ZCCHC24: variants seen among roughly 807,000 people sequenced by gnomAD.
The protein encoded by ZCCHC24 is zinc finger CCHC-type containing 24, also known as zinc finger CCHC domain-containing protein 24.
Under a neutral mutation model 26.2 loss-of-function variants are expected in ZCCHC24, and 10 were observed. That is an observed-to-expected ratio of 0.38 (90% CI 0.24 to 0.65). The LOEUF is 0.65. Among genes scored for constraint, ZCCHC24 ranks in the 30% least tolerant of loss-of-function variants. The pLI is 0.54. For missense variants in ZCCHC24, 243 were observed against 329.1 expected (o/e 0.74, Z 2.03); for synonymous variants, 144 against 147.1 (o/e 0.98, Z 0.15).
intron 1 of ZCCHC24, among the ~76,000 whole-genome samples, chr10:79,441,079 A>AACACACACAC (rs55762333): frequency 0.034 from 4,677 of 135,572 alleles, 132 homozygotes; most frequent in African/African-American, 0.071. Flanking sequence ...CTGCCCCCTA[A>AACACACACAC]ACACACACAC....
In ZCCHC24 at chr10:79,417,284, CTT is replaced by C. The variant is rs1391750253; in HGVS notation, c.447+15272_447+15273del. Among the ~76,000 whole-genome samples, 8 of 137,270 alleles carry C rather than the reference CTT, an allele frequency of 5.8e-5. 2 individuals are homozygous for C. Among genetic ancestry groups the C allele is most frequent in the African/African-American group, 2.0e-4 (8 of 39,414 alleles). The allele number at this position is 137,270 out of a possible 152,430, so 90.1% of individuals were successfully genotyped here. A position where few individuals can be genotyped will look rare whatever the true frequency, so the allele number is the denominator to read the frequency against. Reference sequence around the variant, plus strand: ...CATGGGCCCCTGTTGGGTTTTACCCCTTGTCATCATGCCTACTGCTTTGGGGG... The same window carrying C: ...CATGGGCCCCTGTTGGGTTTTACCCCGTCATCATGCCTACTGCTTTGGGGG... On this transcript the variant is annotated intron_variant, in intron 2 of 3. Coordinates refer to ENST00000372336, the MANE Select transcript of ZCCHC24 (RefSeq NM_153367.4).
At chr10:79,387,567 T>C (rs1700587015) in intron 3 of ZCCHC24, among the ~76,000 whole-genome samples, 1 of 152,142 alleles carries the variant, frequency 6.6e-6, no homozygotes, top group Non-Finnish European at 1.5e-5. Flanking sequence ...AAGGGTCCCC[T>C]GCATGGACAT....
At chr10:79,432,152 C>G (rs1301317753) in intron 2 of ZCCHC24, among the ~76,000 whole-genome samples, 1 of 152,222 alleles carries the variant, frequency 6.6e-6, no homozygotes, top group African/African-American at 2.4e-5. Flanking sequence ...CATCTGGATT[C>G]CTGGCCCAGA....
chr10:79,444,599 C>T (rs1857335589), intron 1 of ZCCHC24, among the ~76,000 whole-genome samples: 1 of 152,094 alleles, frequency 6.6e-6, no homozygotes, highest in Non-Finnish European at 1.5e-5. Flanking sequence ...TCCTATGTGG[C>T]TGGGGGAGGG....
At chr10:79,432,418 G>T (rs1283319604) in intron 2 of ZCCHC24, 140 bp downstream of exon 2, 1 of 873,600 alleles carries the variant, frequency 1.1e-6, no homozygotes, top group South Asian at 2.0e-5. Flanking sequence ...GGGACAAAAG[G>T]GTAGAGGCCA....
rs5786399 is a variant in ZCCHC24, at chr10:79,389,529, AGTGTGTGT to A, written c.613-3079_613-3072del. Among the ~76,000 whole-genome samples, 610 of 146,324 alleles carry A rather than the reference AGTGTGTGT, an allele frequency of 4.2e-3. 2 individuals carry two copies. Among genetic ancestry groups the A allele is most frequent in the African/African-American group, 0.013 (525 of 39,200 alleles). ...TAATAACATTCACTGACTTTTTCCT[AGTGTGTGT>A]GTGTGTGTGTGTGTGTGTGTGTGTG... On this transcript the variant is annotated intron_variant, in intron 3 of 3. Transcript: ENST00000372336.
In ZCCHC24 at chr10:79,432,544, C is replaced by T. The variant is rs1347310015; in HGVS notation, c.447+14G>A. 1.9e-6 allele frequency: 3 copies of T among 1,591,100 alleles called. No homozygotes were observed. The highest frequency in any genetic ancestry group is 2.3e-5 in the East Asian group (1 of 43,770). On this transcript the variant is annotated intron_variant, in intron 2 of 3. Coordinates refer to ENST00000372336, the MANE Select transcript of ZCCHC24 (RefSeq NM_153367.4). ...GGGAGCCCAAGAGCACCCCCTGGGC[C>T]AGGGCTGCCTTACCTGGGGGCAGTC...
At chr10:79,416,884 G>A (rs1313790600) in intron 2 of ZCCHC24, among the ~76,000 whole-genome samples, 1 of 152,122 alleles carries the variant, frequency 6.6e-6, no homozygotes, top group Non-Finnish European at 1.5e-5. Context: ...TCAGAGCAGT[G>A]CCCGGAACAC....
chr10:79,423,581 C>CTATATATATATTATATA, intron 2 of ZCCHC24, among the ~76,000 whole-genome samples: 5 of 53,766 alleles, frequency 9.3e-5, no homozygotes, highest in East Asian at 1.3e-3. Context: ...AATATATATA[C>CTATATATATATTATATA]TATATATATA....
At chr10:79,432,484 G>A in intron 2 of ZCCHC24, 74 bp downstream of exon 2, 1 of 1,495,194 alleles carries the variant, frequency 6.7e-7, no homozygotes, top group Non-Finnish European at 9.0e-7. Flanking sequence ...TGCTTCGCCT[G>A]CCCTACCCAC....
At chr10:79,411,632 G>C (rs888016997) in intron 2 of ZCCHC24, among the ~76,000 whole-genome samples, 20 of 152,284 alleles carry the variant, frequency 1.3e-4, no homozygotes, top group African/African-American at 4.1e-4. Context: ...ACTGCCCACG[G>C]GTGCCCCACT....
At chr10:79,403,709 G>A in intron 2 of ZCCHC24, 2 of 656,350 alleles carry the variant, frequency 3.0e-6, no homozygotes, top group Non-Finnish European at 3.8e-6. Flanking sequence ...CCCAGCATGG[G>A]CCCAGAAGGC....
At chr10:79,398,858 A>G (rs540980315) in intron 2 of ZCCHC24, among the ~76,000 whole-genome samples, 1 of 152,202 alleles carries the variant, frequency 6.6e-6, no homozygotes, top group South Asian at 2.1e-4. Flanking sequence ...TCAACCTATT[A>G]ACAGATGGTG....
Position 79,416,252 on chromosome 10 carries a change from A to G in ZCCHC24, c.447+16306T>C, listed in dbSNP as rs868680702. On this transcript the variant is annotated intron_variant, in intron 2 of 3. Coordinates refer to ENST00000372336, the MANE Select transcript of ZCCHC24 (RefSeq NM_153367.4). ...CTGGGTCCACTGCACAGAAGGGGAA[A>G]TTGAGGTGTGGCAAGGGCAATGGGC... 3.3e-5 allele frequency among the ~76,000 whole-genome samples: 5 copies of G among 152,302 alleles called. No homozygotes were observed. In the Middle Eastern group the frequency reaches 0.014, roughly 414 times the overall value.
intron 2 of ZCCHC24, among the ~76,000 whole-genome samples, chr10:79,431,696 A>G (rs1279105363): frequency 1.3e-5 from 2 of 152,198 alleles, no homozygotes; most frequent in Non-Finnish European, 2.9e-5. Context: ...CAACATCTGG[A>G]GGGGAACACT....
chr10:79,431,078 C>A lies in ZCCHC24; in HGVS notation c.447+1480G>T, dbSNP rs192395044. ...CTCAGCACAGTGCCTGTCTCCTTAA[C>A]GGAGCTCAGTCTGGCTCTGCCCACT... On this transcript the variant is annotated intron_variant, in intron 2 of 3. Coordinates refer to ENST00000372336, the MANE Select transcript of ZCCHC24 (RefSeq NM_153367.4). Among the ~76,000 whole-genome samples, 40 of 152,342 alleles carry A rather than the reference C, an allele frequency of 2.6e-4. No individual in the cohort carries two copies. The South Asian group carries it at 3.5e-3, about 13-fold the overall frequency.
At chr10:79,435,400 G>T (rs1857202274) in intron 1 of ZCCHC24, among the ~76,000 whole-genome samples, 2 of 152,128 alleles carry the variant, frequency 1.3e-5, no homozygotes, top group African/African-American at 4.8e-5. Flanking sequence ...GGCCCCACAG[G>T]CATCCCTGGG....
At chr10:79,426,729 C>G (rs1036265010) in intron 2 of ZCCHC24, among the ~76,000 whole-genome samples, 5 of 151,850 alleles carry the variant, frequency 3.3e-5, no homozygotes, top group Non-Finnish European at 7.4e-5. Flanking sequence ...GTTAGAAAAT[C>G]AATGCAAAAG....
intron 2 of ZCCHC24, among the ~76,000 whole-genome samples, chr10:79,402,268 C>CT (rs1242667591): frequency 4.6e-5 from 7 of 151,660 alleles, no homozygotes; most frequent in Non-Finnish European, 7.4e-5. Context: ...CTTGGTTTTT[C>CT]TTTTTTTTTC....
Sources: gnomAD v4.1 joint callset for allele counts (sites outside exome capture counted in the v4.1 genomes callset) on GRCh38, gnomAD v4.1.1 for gene constraint, MANE v1.5 for transcripts, NCBI Gene and HGNC (gene_info 2026-07-23, HGNC 2026-07-21) for gene names.